The following DST variants were observed in gnomAD, a reference collection of about 807,000 sequenced individuals.
DST encodes the protein bullous pemphigoid antigen.
Under a neutral mutation model 875.2 loss-of-function variants are expected in DST, and 253 were observed. The observed-to-expected ratio is 0.29, with a 90% CI of 0.26 to 0.32. DST has a LOEUF of 0.32. DST is among the 10% of genes least tolerant of loss of function. The probability of loss-of-function intolerance (pLI) is 1.00; values close to 1 mark genes in which losing one functional copy is unlikely to be tolerated. For missense variants in DST, 8,287 were observed against 9,111.6 expected (o/e 0.91, Z 3.68); for synonymous variants, 3,124 against 3,197.1 (o/e 0.98, Z 0.77).
intron 4 of DST, among the ~76,000 whole-genome samples, chr6:56,739,811 A>G (rs1020439392): frequency 6.6e-6 from 1 of 152,196 alleles, no homozygotes; most frequent in Non-Finnish European, 1.5e-5. Context: ...TATGGTCTAC[A>G]AGGAGGAGGC....
chr6:56,616,407 C>T (rs1359864169), intron 36 of DST: 1 of 1,613,966 alleles, frequency 6.2e-7, no homozygotes, highest in South Asian at 1.1e-5. Context: ...TGGAAAGCCT[C>T]ATACACGGTC....
chr6:56,508,522 T>G lies in DST; in HGVS notation c.19239+7A>C. ...TTTTCTAACTTTAAATGAGATTTTC[T>G]GCTTACCTCTGCTGCTTCTTGCTGT... On this transcript the variant is annotated splice_region_variant and intron_variant, in intron 75 of 103. Transcript: ENST00000680361. The G allele has an allele frequency of 6.2e-7, 1 of 1,607,856 alleles. No individual in the cohort carries two copies. The highest frequency in any genetic ancestry group is 8.5e-7 in the Non-Finnish European group (1 of 1,174,752).
At chr6:56,643,911 T>A (rs1587640295) in intron 15 of DST, among the ~76,000 whole-genome samples, 1 of 152,318 alleles carries the variant, frequency 6.6e-6, no homozygotes, top group East Asian at 1.9e-4. Flanking sequence ...AAATTAATCA[T>A]TTTAGATACA....
intron 5 of DST, among the ~76,000 whole-genome samples, chr6:56,719,993 C>T (rs1187613262): frequency 6.6e-6 from 1 of 152,220 alleles, no homozygotes; most frequent in Non-Finnish European, 1.5e-5. Flanking sequence ...ACCACTGTCA[C>T]TGATAACATC....
chr6:56,917,096 C>T lies in DST; in HGVS notation c.217-16475G>A, dbSNP rs755185084. ...AGCAATAGCCCACTGAGGATACACA[C>T]AGCAGAAAGGACTGACCACTCCTGC... is the stretch of plus-strand genomic sequence containing the variant. On this transcript the variant is annotated intron_variant, in intron 2 of 103. Coordinates refer to ENST00000680361, the MANE Select transcript of DST (RefSeq NM_001374736.1). Among the ~76,000 whole-genome samples the T allele has an allele frequency of 2.0e-5, 3 of 150,668 alleles. No individual in the cohort carries two copies. In the South Asian group the frequency reaches 6.3e-4, roughly 32 times the overall value.
rs1289919679 is a variant in DST, at chr6:56,607,861, G to A, written c.6767C>T (p.Ser2256Leu). Residue 2256 changes from serine to leucine, a missense_variant, in exon 40 of 104, where the codon TCA (serine) becomes TTA (leucine). Ser to Leu is a moderately radical substitution (Grantham distance 145). Coordinates refer to ENST00000680361, the MANE Select transcript of DST (RefSeq NM_001374736.1). ...AIKECLDVLSSSGVFLNNASG... is the reference protein window; with the variant it reads ...AIKECLDVLSLSGVFLNNASG... ...AGCATTATTAAGAAATACACCAGAT[G>A]AGCTTAAGACATCGAGACATTCTTT... The A allele has an allele frequency of 5.6e-6, 9 of 1,613,442 alleles. No homozygotes were observed. Among genetic ancestry groups the A allele is most frequent in the Non-Finnish European group, 5.1e-6 (6 of 1,179,698 alleles).
At position 56,487,348 on chromosome 6, in the gene DST, A is replaced by T. The variant is rs76627400; in HGVS notation, c.20878-75T>A. ...ACAGGTAAGAGGCATTAACAGAGGC[A>T]TCCCTAATAAATGGAGATGAATTAT... On this transcript the variant is annotated intron_variant, in intron 86 of 103. Transcript: ENST00000680361. 3.7e-3 allele frequency: 4,762 copies of T among 1,273,750 alleles called. 7 individuals carry two copies. Among genetic ancestry groups the T allele is most frequent in the Non-Finnish European group, 4.8e-3 (4,497 of 942,450 alleles). The allele number at this position is 1,273,750 out of a possible 1,614,324, so 78.9% of individuals were successfully genotyped here. A position where few individuals can be genotyped will look rare whatever the true frequency, so the allele number is the denominator to read the frequency against.
chr6:56,518,713 G>T (rs2096641298), intron 69 of DST, among the ~76,000 whole-genome samples: 1 of 152,118 alleles, frequency 6.6e-6, no homozygotes, highest in African/African-American at 2.4e-5. Flanking sequence ...AATAAAATGG[G>T]CCTGTGACAC....
intron 4 of DST, chr6:56,843,349 C>G (rs2099802819): frequency 8.3e-7 from 1 of 1,199,758 alleles, no homozygotes. Context: ...ACGCCCAGGC[C>G]TCCGGGCAGG....
At chr6:56,876,119 C>T (rs531017994) in intron 3 of DST, among the ~76,000 whole-genome samples, 40 of 152,218 alleles carry the variant, frequency 2.6e-4, no homozygotes, top group African/African-American at 9.6e-4. Flanking sequence ...CATCCAATGC[C>T]GCTCTCTTCC....
At chr6:56,834,495 G>A (rs995041143) in intron 4 of DST, among the ~76,000 whole-genome samples, 4 of 152,136 alleles carry the variant, frequency 2.6e-5, no homozygotes, top group Admixed American at 6.5e-5. Context: ...TACTCAGGAG[G>A]CTGAGGCAGG....
chr6:56,691,534 AT>A (rs1414672259), intron 9 of DST, among the ~76,000 whole-genome samples: 1 of 152,170 alleles, frequency 6.6e-6, no homozygotes, highest in Admixed American at 6.6e-5. Flanking sequence ...TTATGTTCAG[AT>A]TTTTTATTAA....
intron 4 of DST, among the ~76,000 whole-genome samples, chr6:56,752,787 TTTTG>T (rs1226338695): frequency 1.3e-5 from 2 of 152,068 alleles, no homozygotes; most frequent in Admixed American, 6.6e-5. Flanking sequence ...GATTGAGTTT[TTTTG>T]TTTTTTTTGT....
intron 36 of DST, among the ~76,000 whole-genome samples, chr6:56,621,842 G>A (rs897593032): frequency 6.6e-6 from 1 of 152,108 alleles, no homozygotes; most frequent in African/African-American, 2.4e-5. Context: ...AGAAGCTTTG[G>A]TGAATTTCAA....
chr6:56,915,178 C>T (rs1035781848), intron 2 of DST, among the ~76,000 whole-genome samples: 1 of 152,200 alleles, frequency 6.6e-6, no homozygotes, highest in African/African-American at 2.4e-5. Context: ...TGAGATACTA[C>T]TCACAGACAT....
chr6:56,510,777 C>T (rs948660165), intron 73 of DST, among the ~76,000 whole-genome samples: 44 of 152,070 alleles, frequency 2.9e-4, no homozygotes, highest in African/African-American at 1.0e-3. Flanking sequence ...AAGAAAAAAC[C>T]ATCAATATCC....
At position 56,636,637 on chromosome 6, in the gene DST, T is replaced by A; in HGVS notation, c.2980A>T (p.Met994Leu). The A allele has an allele frequency of 2.5e-6, 4 of 1,613,540 alleles. No individual in the cohort carries two copies. The highest frequency in any genetic ancestry group is 3.4e-6 in the Non-Finnish European group (4 of 1,179,916). Residue 994 changes from methionine to leucine, a missense_variant, in exon 23 of 104, where the codon ATG (methionine) becomes TTG (leucine). By Grantham distance (15) the Met-to-Leu change is conservative (BLOSUM62 2). Around this residue, in one of 10 missense-constraint regions of DST, gnomAD observed 1,160 missense variants for 1,424.3 expected, o/e 0.81. Transcript: ENST00000680361. ...RLTIEAYRAA[M>L]QTQWSWILQL... ...AAGATCCAGCTCCACTGCGTCTGCA[T>A]TGCCGCTCTGTAGGCCTTAAAGATA... is the stretch of plus-strand genomic sequence containing the variant.
chr6:56,735,630 A>G (rs566827350), intron 4 of DST, among the ~76,000 whole-genome samples: 3 of 151,700 alleles, frequency 2.0e-5, no homozygotes, highest in Admixed American at 6.6e-5. Context: ...GCCCTTTACC[A>G]TATGTACATC....
intron 66 of DST, among the ~76,000 whole-genome samples, chr6:56,529,217 T>A (rs2096854459): frequency 6.6e-6 from 1 of 152,190 alleles, no homozygotes; most frequent in South Asian, 2.1e-4. Flanking sequence ...ATACAGGTCT[T>A]TGTATACAAC....
Sources: allele counts gnomAD v4.1 joint callset (sites outside exome capture counted in the v4.1 genomes callset), GRCh38; gene constraint gnomAD v4.1.1; regional missense constraint gnomAD v4.1.1; transcripts MANE v1.5; gene names NCBI Gene and HGNC (gene_info 2026-07-23, HGNC 2026-07-21).